The following MCF2 variants were observed in gnomAD, a reference collection of about 807,000 sequenced individuals.
MCF2 encodes proto-oncogene DBL.
Under a neutral mutation model 82.5 loss-of-function variants are expected in MCF2, and 44 were observed. That is an observed-to-expected ratio of 0.53 (90% CI 0.42 to 0.69). The LOEUF (loss-of-function observed/expected upper bound fraction) is 0.69. MCF2 is among the 30% of genes least tolerant of loss of function. The probability of loss-of-function intolerance (pLI) is 0.00; values close to 1 mark genes in which losing one functional copy is unlikely to be tolerated. For missense variants in MCF2, 623 were observed against 663.1 expected, an observed-to-expected ratio of 0.94 and a Z score of 0.66; for synonymous variants, 217 against 224.9, an observed-to-expected ratio of 0.96 and a Z score of 0.32.
intron 6 of MCF2, among the ~76,000 whole-genome samples, chrX:139,620,035 A>G (rs1040588080): frequency 1.9e-5 from 2 of 102,797 alleles, no homozygotes; most frequent in East Asian, 3.0e-4. Context: ...GTGTATATAT[A>G]TATAGCAAAT....
chrX:139,601,314 A>T (rs896400422), intron 16 of MCF2, among the ~76,000 whole-genome samples: 2 of 111,624 alleles, frequency 1.8e-5, no homozygotes, highest in Admixed American at 1.9e-4. Context: ...TAGTGCCAAC[A>T]TTTGAACACT....
At chrX:139,620,682 G>A (rs183195856) in intron 6 of MCF2, among the ~76,000 whole-genome samples, 38 of 111,204 alleles carry the variant, frequency 3.4e-4, no homozygotes, top group African/African-American at 1.2e-3. Flanking sequence ...TCTATAAGGA[G>A]ACCTACAAAA....
At chrX:139,704,523 A>T (rs1433296831) in intron 1 of MCF2, among the ~76,000 whole-genome samples, 2 of 111,644 alleles carry the variant, frequency 1.8e-5, no homozygotes, top group Non-Finnish European at 3.8e-5. Context: ...ACAGTCCCCA[A>T]AATCTCAAAA....
intron 1 of MCF2, among the ~76,000 whole-genome samples, chrX:139,687,061 CAT>C (rs1209481040): frequency 5.5e-5 from 1 of 18,119 alleles, no homozygotes; most frequent in Non-Finnish European, 3.4e-4. Flanking sequence ...CACACACACA[CAT>C]ACACACACAC....
At chrX:139,651,843 T>C in intron 1 of MCF2, 55 bp from the exon 2 acceptor site, 1 of 745,293 alleles carries the variant, frequency 1.3e-6, no homozygotes, top group Admixed American at 2.8e-5. Flanking sequence ...CAGCCTTACA[T>C]GATTTTAGAC....
chrX:139,632,227 T>C, intron 2 of MCF2, 108 bp downstream of exon 5: 1 of 587,857 alleles, frequency 1.7e-6, no homozygotes. Context: ...AAAGACATTT[T>C]AATTTTTTTC....
chrX:139,611,133 C>T (rs1318912474), intron 10 of MCF2, among the ~76,000 whole-genome samples: 2 of 111,771 alleles, frequency 1.8e-5, no homozygotes, highest in Admixed American at 1.9e-4. Flanking sequence ...TCCTAATTCT[C>T]AGGGCTGCTG....
chrX:139,678,036 G>A (rs746064842), intron 1 of MCF2, among the ~76,000 whole-genome samples: 1 of 111,215 alleles, frequency 9.0e-6, no homozygotes, highest in South Asian at 3.8e-4. Flanking sequence ...GGTGGCAGGC[G>A]CCTGTAGTCC....
intron 1 of MCF2, among the ~76,000 whole-genome samples, chrX:139,702,743 G>A (rs1935522229): frequency 8.9e-6 from 1 of 112,543 alleles, no homozygotes; most frequent in Non-Finnish European, 1.9e-5. Flanking sequence ...ATTGGGAAGG[G>A]AAGTGCAGAG....
At chrX:139,637,210 G>T (rs1282960310) in intron 1 of MCF2, among the ~76,000 whole-genome samples, 2 of 111,949 alleles carry the variant, frequency 1.8e-5, no homozygotes, top group Non-Finnish European at 3.8e-5. Flanking sequence ...GTAGCCATTT[G>T]GGAGACTAAA....
chrX:139,651,727 G>C (rs1210634415), exon 2 of MCF2: 14 of 1,153,752 alleles, frequency 1.2e-5, no homozygotes, highest in Non-Finnish European at 1.6e-5. Flanking sequence ...TACCAGACAA[G>C]AAGGCGATGT....
intron 1 of MCF2, among the ~76,000 whole-genome samples, chrX:139,690,338 G>GTTTTTTTTTTTTTTTTTTTTTT (rs145515088): frequency 1.3e-5 from 1 of 75,751 alleles, no homozygotes; most frequent in Non-Finnish European, 2.4e-5. Context: ...CTCCAAAGGA[G>GTTTTTTTTTTTTTTTTTTTTTT]TTTTTTTTTT....
chrX:139,637,046 A>G (rs1933265669), intron 1 of MCF2, among the ~76,000 whole-genome samples: 1 of 111,671 alleles, frequency 9.0e-6, no homozygotes, highest in South Asian at 3.7e-4. Context: ...TTTAAAGAAA[A>G]TGCACCATCA....
chrX:139,663,865 A>G (rs1052901310), intron 1 of MCF2, among the ~76,000 whole-genome samples: 1 of 110,678 alleles, frequency 9.0e-6, no homozygotes, highest in Non-Finnish European at 1.9e-5. Context: ...GTAAATATAT[A>G]TTTAGAATTG....
chrX:139,670,349 C>T (rs1470827076), intron 1 of MCF2, among the ~76,000 whole-genome samples: 1 of 111,385 alleles, frequency 9.0e-6, no homozygotes, highest in Non-Finnish European at 1.9e-5. Flanking sequence ...TTCTAGGGCA[C>T]ATGTGCACAA....
intron 1 of MCF2, among the ~76,000 whole-genome samples, chrX:139,665,041 A>T: frequency 9.0e-6 from 1 of 111,066 alleles, no homozygotes. Context: ...CTGAGTTGTT[A>T]CCCAAGATAT....
chrX:139,637,886 G>T (rs1227323466), intron 1 of MCF2, among the ~76,000 whole-genome samples: 2 of 111,594 alleles, frequency 1.8e-5, no homozygotes, highest in Non-Finnish European at 3.8e-5. Flanking sequence ...TAAGAGGGAG[G>T]CAGGAGAGTC....
intron 1 of MCF2, among the ~76,000 whole-genome samples, chrX:139,675,816 A>C (rs772489684): frequency 2.0e-4 from 22 of 112,345 alleles, no homozygotes; most frequent in Non-Finnish European, 3.9e-4. Flanking sequence ...CTGTTCTCCG[A>C]GCTCAAACAC....
intron 1 of MCF2, among the ~76,000 whole-genome samples, chrX:139,704,728 G>C (rs759575628): frequency 2.7e-5 from 3 of 111,507 alleles, no homozygotes; most frequent in Non-Finnish European, 3.8e-5. Context: ...ACTGATGAAA[G>C]AAATCAGGAA....
Sources: gnomAD v4.1 joint callset for allele counts (sites outside exome capture counted in the v4.1 genomes callset) on GRCh38, gnomAD v4.1.1 for gene constraint, MANE v1.5 for transcripts, NCBI Gene and HGNC (gene_info 2026-07-23, HGNC 2026-07-21) for gene names.